The following PCSK5 variants were observed in gnomAD, a reference collection of about 807,000 sequenced individuals.
PCSK5 encodes prohormone convertase 5.
Under a neutral mutation model 233.2 loss-of-function variants are expected in PCSK5, and 129 were observed. That is an observed-to-expected ratio of 0.55 (90% confidence interval 0.48 to 0.64). PCSK5 has a LOEUF of 0.64. Among genes scored for constraint, PCSK5 ranks in the 30% least tolerant of loss-of-function variants. PCSK5 has a pLI of 0.00. For synonymous variants in PCSK5, 825 were observed against 879.2 expected, an observed-to-expected ratio of 0.94 and a Z score of 1.09; for missense variants, 2,076 against 2,430.1, an observed-to-expected ratio of 0.85 and a Z score of 3.06.
At chr9:76,085,545 C>T (rs1345328900) in intron 7 of PCSK5, among the ~76,000 whole-genome samples, 1 of 152,118 alleles carries the variant, frequency 6.6e-6, no homozygotes, top group African/African-American at 2.4e-5. Flanking sequence ...TCTTTAAGGA[C>T]CCAAAAATAG....
intron 34 of PCSK5, among the ~76,000 whole-genome samples, chr9:76,334,522 G>A (rs1437559130): frequency 6.6e-6 from 1 of 152,128 alleles, no homozygotes; most frequent in African/African-American, 2.4e-5. Context: ...GGTGAGGTTA[G>A]GAGTTTGAGA....
intron 5 of PCSK5, among the ~76,000 whole-genome samples, chr9:76,042,214 A>G (rs1308734065): frequency 6.6e-6 from 1 of 152,276 alleles, no homozygotes; most frequent in Non-Finnish European, 1.5e-5. Context: ...TTCAAGTTTT[A>G]TGGATAAAAA....
intron 30 of PCSK5, among the ~76,000 whole-genome samples, chr9:76,319,059 C>CA (rs1248312991): frequency 1.3e-5 from 2 of 152,182 alleles, no homozygotes; most frequent in African/African-American, 2.4e-5. Context: ...GTTGAGGACA[C>CA]ATGCCCATGA....
chr9:76,058,759 T>C (rs1034579735), intron 5 of PCSK5, among the ~76,000 whole-genome samples: 2 of 152,232 alleles, frequency 1.3e-5, no homozygotes, highest in African/African-American at 2.4e-5. Context: ...AGATACAGGA[T>C]ACTGTATATG....
chr9:75,961,179 G>A (rs939894573), intron 2 of PCSK5, among the ~76,000 whole-genome samples: 5 of 152,174 alleles, frequency 3.3e-5, no homozygotes, highest in African/African-American at 1.2e-4. Context: ...ACTGCATCGG[G>A]TGCCTCTTAT....
In PCSK5 at chr9:75,932,543, A is replaced by G. The variant is rs939924235; in HGVS notation, c.297+60A>G. On this transcript the variant is annotated intron_variant, in intron 2 of 37. Transcript: ENST00000674117. ...AAAGCTTCTGCATTTTTCATTGGTA[A>G]TAACACACTAGGGGCTGAGGACCAG... 12 of 958,584 alleles carry G rather than the reference A, an allele frequency of 1.3e-5. No individual in the cohort carries two copies. The African/African-American group carries it at 1.3e-4, about 10-fold the overall frequency. The allele number at this position is 958,584 out of a possible 1,614,324, so 59.4% of individuals were successfully genotyped here.
At chr9:76,245,709 G>A (rs1587799375) in intron 24 of PCSK5, among the ~76,000 whole-genome samples, 1 of 152,154 alleles carries the variant, frequency 6.6e-6, no homozygotes, top group Admixed American at 6.5e-5. Context: ...AGACTAATGA[G>A]GTTAAAAGTA....
At chr9:76,140,233 T>C (rs11144764) in intron 10 of PCSK5, among the ~76,000 whole-genome samples, 28,831 of 152,086 alleles carry the variant, frequency 0.19, 3,902 homozygotes, top group East Asian at 0.6. Flanking sequence ...CAAGATGTAA[T>C]TAGTTAATGA....
intron 3 of PCSK5, among the ~76,000 whole-genome samples, chr9:76,012,064 C>T (rs550742383): frequency 1.8e-4 from 28 of 152,062 alleles, no homozygotes; most frequent in African/African-American, 6.8e-4. Context: ...TTTCTCATTC[C>T]CAGATGTAGA....
At chr9:75,944,873 G>A (rs10869670) in intron 2 of PCSK5, among the ~76,000 whole-genome samples, 46,128 of 151,882 alleles carry the variant, frequency 0.3, 7,232 homozygotes, top group East Asian at 0.48. Flanking sequence ...ACATTGGGAG[G>A]CCTAGGCAGG....
At chr9:76,133,318 T>C (rs1478154215) in intron 9 of PCSK5, among the ~76,000 whole-genome samples, 3 of 152,042 alleles carry the variant, frequency 2.0e-5, no homozygotes, top group Non-Finnish European at 4.4e-5. Flanking sequence ...AGTATATACA[T>C]AGTCTATGAA....
At position 76,233,539 on chromosome 9, in the gene PCSK5, C is replaced by A. The variant is rs1826160382; in HGVS notation, c.2809C>A (p.His937Asn). 1 of 1,612,342 alleles carries A rather than the reference C, an allele frequency of 6.2e-7. No homozygotes were observed. Among genetic ancestry groups the A allele is most frequent in the African/African-American group, 1.3e-5 (1 of 74,924 alleles). Residue 937 changes from histidine (H) to asparagine (N), a missense_variant, in exon 22 of 38, where the codon CAC (histidine) becomes AAC (asparagine). His to Asn is a moderately conservative substitution (Grantham distance 68). This residue lies in a region of PCSK5 where 1,510 missense variants were observed against 1,538.1 expected (regional missense o/e 0.98). Coordinates refer to ENST00000674117, the MANE Select transcript of PCSK5 (RefSeq NM_001372043.1). The part of the protein sequence containing the change: ...EFENQCHPCH[H>N]TCQRCQGSGP... Reference sequence around the variant, plus strand: ...TGAGAACCAATGCCATCCATGCCACCACACCTGCCAGAGATGCCAAGGAAG... The same window carrying A: ...TGAGAACCAATGCCATCCATGCCACAACACCTGCCAGAGATGCCAAGGAAG...
At chr9:76,134,796 AT>A (rs1822904973) in intron 10 of PCSK5, among the ~76,000 whole-genome samples, 1 of 152,110 alleles carries the variant, frequency 6.6e-6, no homozygotes, top group African/African-American at 2.4e-5. Context: ...AGTACTGAAT[AT>A]TTTCCCATGG....
intron 2 of PCSK5, among the ~76,000 whole-genome samples, chr9:75,976,712 T>C (rs2131374614): frequency 6.6e-6 from 1 of 151,538 alleles, no homozygotes; most frequent in African/African-American, 2.4e-5. Context: ...TTAAATACTT[T>C]ATTCAATATT....
chr9:76,078,766 G>A (rs1476947159), intron 7 of PCSK5, among the ~76,000 whole-genome samples: 1 of 152,044 alleles, frequency 6.6e-6, no homozygotes, highest in East Asian at 1.9e-4. Context: ...TAATGCCTCT[G>A]GCTTTGTTCT....
intron 1 of PCSK5, among the ~76,000 whole-genome samples, chr9:75,928,156 G>A (rs117337184): frequency 2.3e-3 from 350 of 152,250 alleles, no homozygotes; most frequent in Non-Finnish European, 3.9e-3. Flanking sequence ...GGCTAAGAGG[G>A]AAGAAATTAT....
intron 3 of PCSK5, among the ~76,000 whole-genome samples, chr9:76,021,475 G>A (rs1232879552): frequency 6.6e-6 from 1 of 152,104 alleles, no homozygotes; most frequent in Non-Finnish European, 1.5e-5. Context: ...CTGAAGGCAC[G>A]AGGGAGAGAG....
intron 34 of PCSK5, among the ~76,000 whole-genome samples, chr9:76,335,573 G>T (rs1829656320): frequency 6.6e-6 from 1 of 152,138 alleles, no homozygotes; most frequent in Non-Finnish European, 1.5e-5. Flanking sequence ...AGGCTGGGAG[G>T]CTCAAAAGAT....
intron 5 of PCSK5, among the ~76,000 whole-genome samples, chr9:76,057,209 T>C (rs985017562): frequency 2.0e-5 from 3 of 152,120 alleles, no homozygotes; most frequent in African/African-American, 7.2e-5. Flanking sequence ...TTAACTGACA[T>C]CATAAACATA....
Sources: gnomAD v4.1 joint callset for allele counts (sites outside exome capture counted in the v4.1 genomes callset) on GRCh38, gnomAD v4.1.1 for gene constraint, gnomAD v4.1.1 regional missense constraint, MANE v1.5 for transcripts, NCBI Gene and HGNC (gene_info 2026-07-23, HGNC 2026-07-21) for gene names.